The following LONRF1 variants were observed in gnomAD, a reference collection of about 807,000 sequenced individuals.
LONRF1 encodes the protein LON peptidase N-terminal domain and ring finger 1.
A neutral mutation model predicts 85.8 loss-of-function variants in LONRF1; 37 were observed. The ratio of observed to expected loss-of-function variants is 0.43; its 90% CI spans 0.33 to 0.57. The LOEUF (loss-of-function observed/expected upper bound fraction) is 0.57, where lower values mean the gene tolerates loss of function less well. LONRF1 is among the 20% of genes least tolerant of loss of function. LONRF1 has a pLI of 0.04. For synonymous variants in LONRF1, 517 were observed against 390.1 expected, an observed-to-expected ratio of 1.33 and a Z score of -3.83; for missense variants, 1,036 against 978.0, an observed-to-expected ratio of 1.06 and a Z score of -0.79.
At chr8:12,743,534 C>G (rs1164989927) in intron 1 of LONRF1, among the ~76,000 whole-genome samples, 1 of 152,030 alleles carries the variant, frequency 6.6e-6, no homozygotes, top group Non-Finnish European at 1.5e-5. Flanking sequence ...ACTGTAAATA[C>G]TTTTATAATA....
At chr8:12,727,387 GAATT>G (rs1798353343) in intron 10 of LONRF1, 1 of 151,236 alleles carries the variant, frequency 6.6e-6, no homozygotes, top group Non-Finnish European at 1.5e-5. Flanking sequence ...ACAGAAAACA[GAATT>G]ATTATAAGAA....
At chr8:12,727,089 A>G (rs1277958071) in intron 10 of LONRF1, 1 of 150,174 alleles carries the variant, frequency 6.7e-6, no homozygotes, top group Admixed American at 6.7e-5. Context: ...CATTGATAGG[A>G]GCAAGAAACA....
At chr8:12,740,595 G>C (rs1025279586) in intron 3 of LONRF1, among the ~76,000 whole-genome samples, 1 of 152,160 alleles carries the variant, frequency 6.6e-6, no homozygotes, top group Non-Finnish European at 1.5e-5. Context: ...TGATAGTAAT[G>C]CTTAATTAAG....
At position 12,736,910 on chromosome 8, in the gene LONRF1, T is replaced by C. The variant is rs991121488; in HGVS notation, c.1344A>G (p.Lys448=). 2.5e-6 allele frequency: 4 copies of C among 1,607,374 alleles called. No individual in the cohort carries two copies. Among genetic ancestry groups the C allele is most frequent in the Non-Finnish European group, 3.4e-6 (4 of 1,177,422 alleles). ...GAGCAAAATTTTTACCTCCTTGTTTTTTCAGCTTATTTCTTCCATCTTCAT... is the reference window on the plus strand; with the variant it reads ...GAGCAAAATTTTTACCTCCTTGTTTCTTCAGCTTATTTCTTCCATCTTCAT... The part of the protein sequence containing the change: ...IVNEDGRNKL[K]KQGETPNEVC... The change falls in exon 5 of 12, where the codon AAA becomes AAG. Residue 448 remains lysine, a synonymous_variant. Transcript: ENST00000398246.
chr8:12,733,453 A>C (rs1205536267), intron 7 of LONRF1, among the ~76,000 whole-genome samples: 1 of 152,194 alleles, frequency 6.6e-6, no homozygotes, highest in Non-Finnish European at 1.5e-5. Flanking sequence ...TGCCTTATTT[A>C]AGAAAAGCAA....
Position 12,729,013 on chromosome 8 carries a change from G to C in LONRF1, c.1898C>G (p.Pro633Arg), listed in dbSNP as rs773002986. 1 of 1,613,898 alleles carries C rather than the reference G, an allele frequency of 6.2e-7. No individual in the cohort carries two copies. Among genetic ancestry groups the C allele is most frequent in the African/African-American group, 1.3e-5 (1 of 74,994 alleles). The stretch of plus-strand genomic sequence containing the variant: ...TGTATCAACCACAGACCTTCCGTCC[G>C]GTAAGAAATGCACGTTTCTAATTTG... ...MLQIRNVHFL[P>R]DGRSVVDTVG... is the part of the protein sequence containing the mutation. Residue 633 changes from proline to arginine, a missense_variant, in exon 10 of 12, where the codon CCG (proline) becomes CGG (arginine). Coordinates refer to ENST00000398246, the MANE Select transcript of LONRF1 (RefSeq NM_152271.5).
At chr8:12,745,017 G>A (rs1799089517) in intron 1 of LONRF1, among the ~76,000 whole-genome samples, 1 of 151,848 alleles carries the variant, frequency 6.6e-6, no homozygotes, top group Non-Finnish European at 1.5e-5. Context: ...TTTCTTTACG[G>A]CAGCAGTGAA....
rs1487402809 is a variant in LONRF1 at position 12,743,299 on chromosome 8, A to T, written c.722-17T>A. ...CACTGGGTTCTGAAATAAATATTTT[A>T]TAAGGATATGATTATTTTTAAAAGA... On this transcript the variant is annotated splice_polypyrimidine_tract_variant and intron_variant, in intron 1 of 11. Coordinates refer to ENST00000398246, the MANE Select transcript of LONRF1 (RefSeq NM_152271.5). 7.5e-7 allele frequency: 1 copy of T among 1,340,628 alleles called. No homozygotes were observed. The highest frequency in any genetic ancestry group is 1.2e-5 in the South Asian group (1 of 81,924). 83.0% of individuals were successfully genotyped at this position (1,340,628 alleles called of 1,614,324 possible). A position where few individuals can be genotyped will look rare whatever the true frequency, so the allele number is the denominator to read the frequency against.
chr8:12,745,538 T>G (rs959530159), intron 1 of LONRF1, among the ~76,000 whole-genome samples: 3 of 152,140 alleles, frequency 2.0e-5, no homozygotes, highest in Non-Finnish European at 2.9e-5. Context: ...ATCATTAACT[T>G]AAGTTTGAAA....
intron 1 of LONRF1, among the ~76,000 whole-genome samples, chr8:12,750,210 C>T (rs1294378724): frequency 1.3e-5 from 2 of 152,120 alleles, no homozygotes; most frequent in Admixed American, 1.3e-4. Flanking sequence ...GGATCAATTA[C>T]GATAATAGAA....
chr8:12,754,872 G>A lies in LONRF1; in HGVS notation c.549C>T (p.Ala183=). The stretch of plus-strand genomic sequence containing the variant: ...TGAAGTCTGAAGCGGCGATGGCGGC[G>A]GCCAGAGGCGGCGGCCGCGGGGCGG... ...EGTAPRPPPL[A]AAIAASDFRT... Residue 183 remains alanine (A), a synonymous_variant, in exon 1 of 12, where the codon GCC becomes GCT. Coordinates refer to ENST00000398246, the MANE Select transcript of LONRF1 (RefSeq NM_152271.5). 2 of 1,493,448 alleles carry A rather than the reference G, an allele frequency of 1.3e-6. No homozygotes were observed. Among genetic ancestry groups the A allele is most frequent in the Non-Finnish European group, 1.8e-6 (2 of 1,126,492 alleles). 92.5% of individuals were successfully genotyped at this position (1,493,448 alleles called of 1,614,324 possible).
At chr8:12,742,077 C>T (rs1279547085) in intron 2 of LONRF1, among the ~76,000 whole-genome samples, 1 of 152,154 alleles carries the variant, frequency 6.6e-6, no homozygotes, top group Non-Finnish European at 1.5e-5. Flanking sequence ...CTGAAGAAAA[C>T]CTTTCTGATT....
chr8:12,731,250 A>G (rs1798517911), intron 8 of LONRF1, among the ~76,000 whole-genome samples: 1 of 151,938 alleles, frequency 6.6e-6, no homozygotes. Flanking sequence ...CCCAGTCAGT[A>G]TCTTCATTAA....
At chr8:12,732,486 T>C (rs574274844) in intron 7 of LONRF1, among the ~76,000 whole-genome samples, 3 of 152,278 alleles carry the variant, frequency 2.0e-5, no homozygotes, top group African/African-American at 4.8e-5. Flanking sequence ...CAGCTCTATA[T>C]AAAATCTTAC....
In LONRF1 at chr8:12,723,034, G is replaced by A; in HGVS notation, c.*62C>T. On this transcript the variant is annotated 3_prime_UTR_variant, in exon 12 of 12. Coordinates refer to ENST00000398246, the MANE Select transcript of LONRF1 (RefSeq NM_152271.5). Reference sequence around the variant, plus strand: ...CAGCACTAGATGTGCAAAGGCAGCAGACAATCTGGCCATCAATGCAGCCAG... The same window carrying A: ...CAGCACTAGATGTGCAAAGGCAGCAAACAATCTGGCCATCAATGCAGCCAG... The A allele has an allele frequency of 7.0e-7, 1 of 1,426,778 alleles. No individual in the cohort carries two copies. The highest frequency in any genetic ancestry group is 9.4e-7 in the Non-Finnish European group (1 of 1,060,226). The allele number at this position is 1,426,778 out of a possible 1,614,324, so 88.4% of individuals were successfully genotyped here.
In LONRF1 at chr8:12,755,196, C is replaced by T. The variant is rs1340759188; in HGVS notation, c.225G>A (p.Leu75=). The T allele has an allele frequency of 7.7e-6, 10 of 1,294,884 alleles. No individual in the cohort carries two copies. Among genetic ancestry groups the T allele is most frequent in the Non-Finnish European group, 9.7e-6 (10 of 1,028,742 alleles). The allele number at this position is 1,294,884 out of a possible 1,614,324, so 80.2% of individuals were successfully genotyped here. The change falls in exon 1 of 12, where the codon CTG becomes CTA. Residue 75 remains leucine (L), a synonymous_variant. Coordinates refer to ENST00000398246, the MANE Select transcript of LONRF1 (RefSeq NM_152271.5). The part of the protein sequence containing the change: ...KGALEAFAAA[L]RRGAPARPEC... ...CGGGCCTGGCCGGGGCCCCGCGGCG[C>T]AGCGCCGCCGCGAACGCCTCCAGCG...
At chr8:12,754,661 T>C in intron 1 of LONRF1, 39 bp downstream of exon 1, 1 of 1,294,748 alleles carries the variant, frequency 7.7e-7, no homozygotes, top group Non-Finnish European at 9.7e-7. Flanking sequence ...GCCAGGAGGG[T>C]GCGGTCGGCC....
intron 4 of LONRF1, 126 bp from the exon 5 acceptor site, chr8:12,737,266 A>T (rs777378360): frequency 7.0e-6 from 8 of 1,149,166 alleles, no homozygotes; most frequent in Non-Finnish European, 1.0e-5. Context: ...ATTTAATAGC[A>T]CTAACTTGAT....
rs1310454744 is a variant in LONRF1, at chr8:12,722,780, G to GCA, written c.*314_*315dup. On this transcript the variant is annotated 3_prime_UTR_variant, in exon 12 of 12. Coordinates refer to ENST00000398246, the MANE Select transcript of LONRF1 (RefSeq NM_152271.5). ...CTACCCAACCCCCACAAGCACACAC[G>GCA]CACGCACACACACACACACACTCTC... The GCA allele has an allele frequency of 1.1e-5, 2 of 175,644 alleles. No homozygotes were observed. The highest frequency in any genetic ancestry group is 1.2e-5 in the Non-Finnish European group (1 of 83,104). The allele number at this position is 175,644 out of a possible 1,614,324, so 10.9% of individuals were successfully genotyped here. A position where few individuals can be genotyped will look rare whatever the true frequency, so the allele number is the denominator to read the frequency against.
Sources: allele counts gnomAD v4.1 joint callset (sites outside exome capture counted in the v4.1 genomes callset), GRCh38; gene constraint gnomAD v4.1.1; transcripts MANE v1.5; gene names NCBI Gene and HGNC (gene_info 2026-07-23, HGNC 2026-07-21).